SMIM31: variants seen among roughly 807,000 people sequenced by gnomAD.
The protein encoded by SMIM31 is human epithelial cell program regulator.
rs867256992 is a variant in SMIM31, at chr4:164,784,417, G to A, written c.112+13862G>A. ...TATTATATGTCACGTTTTGGATAAC[G>A]TATTTTTCCTAATACAGAAAAAGTC... On this transcript the variant is annotated intron_variant, in intron 2 of 2. Transcript: ENST00000507311. 2.0e-5 allele frequency among the ~76,000 whole-genome samples: 3 copies of A among 151,184 alleles called. 1 individual carries two copies. In the South Asian group the frequency reaches 6.2e-4, roughly 31 times the overall value.
intron 1 of SMIM31, among the ~76,000 whole-genome samples, chr4:164,764,233 C>T (rs762808340): frequency 6.6e-6 from 1 of 151,952 alleles, no homozygotes; most frequent in African/African-American, 2.4e-5. Context: ...TTAAATGAGG[C>T]CTGACCGGCA....
Position 164,802,524 on chromosome 4 carries a change from C to A in SMIM31, c.*1330C>A, listed in dbSNP as rs1275439172. The stretch of plus-strand genomic sequence containing the variant: ...GCACTGGGATTACACGCATGAGCCA[C>A]CATGCCTGGCCTGTTATTTATAACT... On this transcript the variant is annotated 3_prime_UTR_variant, in exon 3 of 3. Coordinates refer to ENST00000507311, the MANE Select transcript of SMIM31 (RefSeq NM_001352885.1). The A allele has an allele frequency of 6.6e-6, 1 of 152,256 alleles. No individual in the cohort carries two copies. 9.4% of individuals were successfully genotyped at this position (152,256 alleles called of 1,614,324 possible).
At chr4:164,781,199 C>G (rs1269192710) in intron 2 of SMIM31, among the ~76,000 whole-genome samples, 2 of 151,996 alleles carry the variant, frequency 1.3e-5, no homozygotes, top group Non-Finnish European at 2.9e-5. Flanking sequence ...TACTGGAATT[C>G]TCATATGTTG....
chr4:164,771,887 T>C (rs934587592), intron 2 of SMIM31, among the ~76,000 whole-genome samples: 1 of 152,158 alleles, frequency 6.6e-6, no homozygotes, highest in Non-Finnish European at 1.5e-5. Flanking sequence ...CCTTAAAAAT[T>C]GATTAAAATG....
intron 2 of SMIM31, among the ~76,000 whole-genome samples, chr4:164,774,170 A>G: frequency 2.1e-5 from 1 of 48,184 alleles, no homozygotes; most frequent in South Asian, 1.3e-3. Context: ...TGTCTCAAGA[A>G]AAAAAAAAAA....
intron 1 of SMIM31, among the ~76,000 whole-genome samples, chr4:164,755,539 A>AGGAAGG (rs1560821435): frequency 8.7e-5 from 1 of 11,438 alleles, no homozygotes; most frequent in African/African-American, 3.6e-4. Flanking sequence ...GGGAGAGGAG[A>AGGAAGG]GGAGGGGAGG....
At position 164,802,594 on chromosome 4, in the gene SMIM31, G is replaced by A. The variant is rs562904272; in HGVS notation, c.*1400G>A. The stretch of plus-strand genomic sequence containing the variant: ...CACAATCAATGCTGGCAGCATTATC[G>A]TGGCAGGAAGGAATCCACAATACAA... On this transcript the variant is annotated 3_prime_UTR_variant, in exon 3 of 3. Coordinates refer to ENST00000507311, the MANE Select transcript of SMIM31 (RefSeq NM_001352885.1). The A allele has an allele frequency of 3.3e-5, 5 of 152,178 alleles. No homozygotes were observed. The highest frequency in any genetic ancestry group is 6.5e-5 in the Admixed American group (1 of 15,282). The allele number at this position is 152,178 out of a possible 1,614,324, so 9.4% of individuals were successfully genotyped here. A position where few individuals can be genotyped will look rare whatever the true frequency, so the allele number is the denominator to read the frequency against.
At chr4:164,756,206 A>T (rs1269986881) in intron 1 of SMIM31, among the ~76,000 whole-genome samples, 1 of 152,226 alleles carries the variant, frequency 6.6e-6, no homozygotes, top group Non-Finnish European at 1.5e-5. Context: ...ACCCCCGTCA[A>T]GATATAGAGA....
At chr4:164,786,171 C>T (rs375257232) in intron 2 of SMIM31, among the ~76,000 whole-genome samples, 23 of 152,098 alleles carry the variant, frequency 1.5e-4, no homozygotes, top group East Asian at 1.3e-3. Context: ...GGAACTTAAT[C>T]TTGGTTGAAG....
chr4:164,768,210 T>C (rs1732745149), intron 1 of SMIM31, among the ~76,000 whole-genome samples: 1 of 146,774 alleles, frequency 6.8e-6, no homozygotes, highest in African/African-American at 2.6e-5. Context: ...CTCTCCAGCC[T>C]GGGCAACAGA....
intron 2 of SMIM31, among the ~76,000 whole-genome samples, chr4:164,779,630 T>C (rs1055713514): frequency 3.3e-5 from 5 of 152,184 alleles, no homozygotes; most frequent in Non-Finnish European, 7.4e-5. Flanking sequence ...GACATGGCCA[T>C]AAGTGAGACT....
chr4:164,795,650 C>A (rs1424323795), intron 2 of SMIM31, among the ~76,000 whole-genome samples: 1 of 149,936 alleles, frequency 6.7e-6, no homozygotes, highest in African/African-American at 2.5e-5. Flanking sequence ...TTGAATATAA[C>A]CCTACTTCAC....
chr4:164,758,766 T>TG (rs1463920812), intron 1 of SMIM31, among the ~76,000 whole-genome samples: 1 of 145,028 alleles, frequency 6.9e-6, no homozygotes, highest in African/African-American at 2.5e-5. Context: ...CCAGCATAGC[T>TG]GGGACTACAG....
chr4:164,796,845 A>C (rs1733203763), intron 2 of SMIM31, among the ~76,000 whole-genome samples: 1 of 152,344 alleles, frequency 6.6e-6, no homozygotes, highest in Admixed American at 6.5e-5. Flanking sequence ...ATAATTGATC[A>C]TATCATTCAT....
chr4:164,768,933 A>G (rs563417518), intron 1 of SMIM31, among the ~76,000 whole-genome samples: 16 of 152,304 alleles, frequency 1.1e-4, no homozygotes, highest in South Asian at 2.1e-4. Flanking sequence ...ACTAACCACA[A>G]TGAAGTTTGA....
intron 1 of SMIM31, among the ~76,000 whole-genome samples, chr4:164,764,818 C>T (rs1477194118): frequency 1.3e-5 from 2 of 152,042 alleles, no homozygotes; most frequent in African/African-American, 2.4e-5. Context: ...TTTGAGGATC[C>T]CTCTCATAAA....
rs572302980 is a variant in SMIM31 at position 164,797,865 on chromosome 4, T to C, written c.113-3226T>C. On this transcript the variant is annotated intron_variant, in intron 2 of 2. Transcript: ENST00000507311. Reference sequence around the variant, plus strand: ...TCAACATTATACCCAATAGGTAATTTTCAACCCTCACTACTCTCCCACCCT... The same window carrying C: ...TCAACATTATACCCAATAGGTAATTCTCAACCCTCACTACTCTCCCACCCT... Among the ~76,000 whole-genome samples, 41 of 152,234 alleles carry C rather than the reference T, an allele frequency of 2.7e-4. 1 individual carries two copies. Among genetic ancestry groups the C allele is most frequent in the South Asian group, 2.1e-3 (10 of 4,822 alleles).
chr4:164,765,552 T>TTAGA (rs1464058737), intron 1 of SMIM31, among the ~76,000 whole-genome samples: 2 of 151,136 alleles, frequency 1.3e-5, no homozygotes, highest in Non-Finnish European at 2.9e-5. Flanking sequence ...ATTATTTAAA[T>TTAGA]TAGATAAGCA....
rs76546803 is a variant in SMIM31 at position 164,762,069 on chromosome 4, C to T, written c.-26+7658C>T. On this transcript the variant is annotated intron_variant, in intron 1 of 2. Coordinates refer to ENST00000507311, the MANE Select transcript of SMIM31 (RefSeq NM_001352885.1). ...AACGTGAAAGAGTCACCTCACCTCTCCACATGCCACCACCCCCAAAGCTCA... is the reference window on the plus strand; with the variant it reads ...AACGTGAAAGAGTCACCTCACCTCTTCACATGCCACCACCCCCAAAGCTCA... 3.0e-3 allele frequency among the ~76,000 whole-genome samples: 463 copies of T among 152,332 alleles called. 2 individuals carry two copies. Among genetic ancestry groups the T allele is most frequent in the African/African-American group, 0.011 (438 of 41,582 alleles).
Sources: allele counts gnomAD v4.1 joint callset (sites outside exome capture counted in the v4.1 genomes callset), GRCh38; gene constraint gnomAD v4.1.1; transcripts MANE v1.5; gene names NCBI Gene and HGNC (gene_info 2026-07-23, HGNC 2026-07-21).